Variants in MEF2A observed in about 807,000 individuals in gnomAD.
MEF2A encodes myocyte-specific enhancer factor 2A.
MEF2A carries 28 observed loss-of-function variants against 55.8 expected under a neutral mutation model. The ratio of observed to expected loss-of-function variants is 0.50; its 90% CI spans 0.37 to 0.69. The LOEUF (loss-of-function observed/expected upper bound fraction) is 0.69. Ranked by LOEUF, MEF2A falls within the 30% of genes least tolerant of loss-of-function variation. The pLI, the probability that MEF2A is intolerant of heterozygous loss-of-function variation, is 0.00. For synonymous variants in MEF2A, 239 were observed against 227.1 expected (o/e 1.05, Z -0.47); for missense variants, 528 against 626.2 (o/e 0.84, Z 1.67).
intron 4 of MEF2A, among the ~76,000 whole-genome samples, chr15:99,655,217 A>G (rs1024779718): frequency 6.6e-6 from 1 of 152,188 alleles, no homozygotes; most frequent in African/African-American, 2.4e-5. Context: ...GTACCCACAT[A>G]TACATGGTTA....
At chr15:99,683,521 G>A (rs539579268) in intron 7 of MEF2A, among the ~76,000 whole-genome samples, 2 of 151,896 alleles carry the variant, frequency 1.3e-5, no homozygotes, top group African/African-American at 4.8e-5. Context: ...ATTCTTCTGC[G>A]TCAGCCTCCC....
chr15:99,586,062 G>T (rs1967135051), intron 1 of MEF2A, among the ~76,000 whole-genome samples: 1 of 152,052 alleles, frequency 6.6e-6, no homozygotes, highest in African/African-American at 2.4e-5. Context: ...TTCCTTTTAT[G>T]TTTAAACTAC....
At chr15:99,700,213 C>CAG (rs1460842109) in intron 8 of MEF2A, among the ~76,000 whole-genome samples, 2 of 139,006 alleles carry the variant, frequency 1.4e-5, no homozygotes, top group African/African-American at 5.4e-5. Context: ...CACACACACA[C>CAG]ATATGTACGT....
chr15:99,679,430 A>G (rs1034223467), intron 7 of MEF2A, among the ~76,000 whole-genome samples: 1 of 152,248 alleles, frequency 6.6e-6, no homozygotes, highest in African/African-American at 2.4e-5. Context: ...GATGAATGTC[A>G]CCAAACATTA....
At chr15:99,570,043 G>T (rs73480460) in intron 1 of MEF2A, among the ~76,000 whole-genome samples, 3 of 151,656 alleles carry the variant, frequency 2.0e-5, no homozygotes, top group African/African-American at 7.2e-5. Flanking sequence ...TATATTTACA[G>T]AATTTAATTG....
At chr15:99,656,023 C>G (rs2047655714) in intron 4 of MEF2A, among the ~76,000 whole-genome samples, 2 of 152,038 alleles carry the variant, frequency 1.3e-5, no homozygotes, top group African/African-American at 2.4e-5. Context: ...CAGCACACAG[C>G]TTAATAATGA....
chr15:99,688,858 G>T (rs770954222), intron 7 of MEF2A, among the ~76,000 whole-genome samples: 7 of 152,172 alleles, frequency 4.6e-5, no homozygotes, highest in African/African-American at 7.2e-5. Context: ...TTTTACCCGG[G>T]TTCTGATTGG....
At chr15:99,676,634 G>C (rs560610568) in intron 7 of MEF2A, among the ~76,000 whole-genome samples, 1 of 151,090 alleles carries the variant, frequency 6.6e-6, no homozygotes, top group South Asian at 2.1e-4. Context: ...GTGCAGTGGC[G>C]CCATCTCCGC....
At chr15:99,706,665 A>T in intron 9 of MEF2A, 64 bp from the exon 10 acceptor site, 1 of 1,563,604 alleles carries the variant, frequency 6.4e-7, no homozygotes, top group East Asian at 2.2e-5. Context: ...CTTAAATTGA[A>T]AGTGATTTTT....
At chr15:99,621,114 G>A (rs1407272309) in intron 2 of MEF2A, 1 of 152,152 alleles carries the variant, frequency 6.6e-6, no homozygotes, top group Non-Finnish European at 1.5e-5. Context: ...CAAAGCGCTG[G>A]GATTACAGGC....
intron 2 of MEF2A, among the ~76,000 whole-genome samples, chr15:99,600,670 C>T (rs1238631139): frequency 2.0e-5 from 3 of 151,922 alleles, no homozygotes; most frequent in African/African-American, 7.3e-5. Context: ...TATATTTTCC[C>T]CTGTTGAATT....
chr15:99,584,972 A>G (rs553094619), intron 1 of MEF2A, among the ~76,000 whole-genome samples: 13 of 151,578 alleles, frequency 8.6e-5, no homozygotes, highest in Admixed American at 3.3e-4. Flanking sequence ...CATGGGGGGG[A>G]TAATGGGTAT....
intron 2 of MEF2A, among the ~76,000 whole-genome samples, chr15:99,629,142 T>A (rs1288785379): frequency 1.3e-5 from 2 of 152,172 alleles, no homozygotes; most frequent in Non-Finnish European, 2.9e-5. Flanking sequence ...GCTTTTAAGA[T>A]CTCTCTGGCT....
At chr15:99,571,708 A>C (rs1025126080) in intron 1 of MEF2A, among the ~76,000 whole-genome samples, 1 of 55,588 alleles carries the variant, frequency 1.8e-5, no homozygotes, top group Non-Finnish European at 3.7e-5. Context: ...GGTAAAATAT[A>C]GCTATTTTTC....
intron 1 of MEF2A, among the ~76,000 whole-genome samples, chr15:99,584,188 A>G (rs1178431026): frequency 6.6e-6 from 1 of 152,198 alleles, no homozygotes; most frequent in African/African-American, 2.4e-5. Context: ...ACCGTCATTT[A>G]TGTGGTTCAT....
chr15:99,673,421 A>T (rs2051272746), intron 5 of MEF2A, among the ~76,000 whole-genome samples: 1 of 152,204 alleles, frequency 6.6e-6, no homozygotes, highest in Non-Finnish European at 1.5e-5. Flanking sequence ...TTGATGTATA[A>T]TTTTTCTACA....
intron 2 of MEF2A, among the ~76,000 whole-genome samples, chr15:99,602,126 G>A (rs1312614941): frequency 4.6e-5 from 7 of 152,118 alleles, no homozygotes; most frequent in Non-Finnish European, 1.0e-4. Context: ...TTTAGAGCAG[G>A]AGTGAAAGTT....
At position 99,715,941 on chromosome 15, in the gene MEF2A, T is replaced by C. The variant is rs1234026785; in HGVS notation, c.*3170T>C. ...GTTTGTTCTACAAGAACAATACATGTTTTACCCTTTCCTTTAACTAGAAGG... is the reference window on the plus strand; with the variant it reads ...GTTTGTTCTACAAGAACAATACATGCTTTACCCTTTCCTTTAACTAGAAGG... On this transcript the variant is annotated 3_prime_UTR_variant, in exon 12 of 12. Coordinates refer to ENST00000557942, the MANE Select transcript of MEF2A (RefSeq NM_001319206.4). 6.5e-6 allele frequency: 1 copy of C among 153,254 alleles called. No homozygotes were observed. Among genetic ancestry groups the C allele is most frequent in the African/African-American group, 2.4e-5 (1 of 41,420 alleles). 9.5% of individuals were successfully genotyped at this position (153,254 alleles called of 1,614,324 possible). A position where few individuals can be genotyped will look rare whatever the true frequency, so the allele number is the denominator to read the frequency against.
chr15:99,590,693 C>A (rs2152960038), intron 1 of MEF2A, among the ~76,000 whole-genome samples: 2 of 151,814 alleles, frequency 1.3e-5, no homozygotes, highest in Middle Eastern at 3.4e-3. Context: ...CAACATGAAT[C>A]TTGAACTTAT....
Sources: allele counts gnomAD v4.1 joint callset (sites outside exome capture counted in the v4.1 genomes callset), GRCh38; gene constraint gnomAD v4.1.1; transcripts MANE v1.5; gene names NCBI Gene and HGNC (gene_info 2026-07-23, HGNC 2026-07-21).